C5: variants seen among roughly 807,000 people sequenced by gnomAD.
C5 encodes the protein C3 and PZP-like alpha-2-macroglobulin domain-containing protein 4.
In C5, 140 loss-of-function variants were observed where a neutral mutation model predicts 218.8. That is an observed-to-expected ratio of 0.64 (90% confidence interval 0.56 to 0.74). The LOEUF is 0.74. Ranked by LOEUF, C5 falls within the 30% of genes least tolerant of loss-of-function variation. The pLI, the probability that C5 is intolerant of heterozygous loss-of-function variation, is 0.00. For synonymous variants in C5, 614 were observed against 682.3 expected (o/e 0.90, Z 1.56); for missense variants, 1,700 against 1,969.6 (o/e 0.86, Z 2.59).
intron 22 of C5, among the ~76,000 whole-genome samples, chr9:120,991,982 A>G (rs1019286283): frequency 3.3e-5 from 5 of 152,254 alleles, no homozygotes; most frequent in African/African-American, 1.2e-4. Context: ...GGTCCCAGAA[A>G]CAATACAAGT....
intron 5 of C5, among the ~76,000 whole-genome samples, chr9:121,033,590 A>AAT (rs1289357641): frequency 6.6e-6 from 1 of 152,272 alleles, no homozygotes. Context: ...CACAAGATGA[A>AAT]GTTGGAGAAA....
chr9:120,977,630 G>C (rs2046963168), intron 28 of C5, among the ~76,000 whole-genome samples: 1 of 152,110 alleles, frequency 6.6e-6, no homozygotes, highest in Non-Finnish European at 1.5e-5. Context: ...ATGTTATCCA[G>C]CCTGGTCTCA....
chr9:121,022,829 T>C (rs1216592452), intron 10 of C5, among the ~76,000 whole-genome samples: 1 of 151,390 alleles, frequency 6.6e-6, no homozygotes, highest in Non-Finnish European at 1.5e-5. Context: ...GAGAGAAAAA[T>C]GAATGCAGAG....
chr9:120,952,857 G>A lies in C5; in HGVS notation c.4913C>T (p.Pro1638Leu), dbSNP rs2046755380. 1 of 1,613,758 alleles carries A rather than the reference G, an allele frequency of 6.2e-7. No homozygotes were observed. Among genetic ancestry groups the A allele is most frequent in the East Asian group, 2.2e-5 (1 of 44,876 alleles). ...KYNFSFRYIY[P>L]LDSLTWIEYW... is the part of the protein sequence containing the mutation. The stretch of plus-strand genomic sequence containing the variant: ...TTCAATCCAGGTCAAGGAATCTAAA[G>A]GGTAGATGTACCTACCAAGAAACAA... Residue 1638 changes from proline (P) to leucine (L), a missense_variant, in exon 41 of 41, where the codon CCT becomes CTT. Transcript: ENST00000223642.
the C5 span, among the ~76,000 whole-genome samples, chr9:121,059,787 A>G: frequency 6.6e-6 from 1 of 152,204 alleles, no homozygotes; most frequent in African/African-American, 2.4e-5. This position sits in a 1 kb window ranked among gnomAD's most constrained non-coding sequence, Gnocchi z 4.1. Flanking sequence ...TAGTGAGCAC[A>G]CTCAGGAAGC....
At chr9:121,006,811 A>T (rs1303662099) in intron 19 of C5, 93 bp downstream of exon 19, 3 of 910,910 alleles carry the variant, frequency 3.3e-6, no homozygotes, top group East Asian at 2.5e-5. Context: ...GCTACCATTT[A>T]AGTCCTGGGT....
chr9:121,050,179 T>C lies in C5; in HGVS notation c.65+3A>G, dbSNP rs748689283. ...AAAAATGAAGATAGCTTGTTTTACT[T>C]ACGTTTGCTCCTGTCCCCAGGTTTT... On this transcript the variant is annotated splice_donor_region_variant and intron_variant, in intron 1 of 40. Transcript: ENST00000223642. 3 of 1,608,730 alleles carry C rather than the reference T, an allele frequency of 1.9e-6. No individual in the cohort carries two copies. Among genetic ancestry groups the C allele is most frequent in the Non-Finnish European group, 2.6e-6 (3 of 1,175,110 alleles).
intron 16 of C5, among the ~76,000 whole-genome samples, chr9:121,014,359 C>A (rs562791917): frequency 1.3e-5 from 2 of 152,174 alleles, no homozygotes; most frequent in South Asian, 4.1e-4. Flanking sequence ...TGAAAATATG[C>A]AGAAAAATAT....
intron 10 of C5, among the ~76,000 whole-genome samples, chr9:121,023,036 T>A: frequency 6.6e-6 from 1 of 152,150 alleles, no homozygotes; most frequent in Non-Finnish European, 1.5e-5. Context: ...AGGAATGATA[T>A]CTCCATCTTA....
chr9:121,018,742 A>AAGGAAGGAAAGAAAGAAAGG (rs774937700), intron 12 of C5, among the ~76,000 whole-genome samples: 1 of 99,172 alleles, frequency 1.0e-5, no homozygotes, highest in Non-Finnish European at 2.0e-5. Flanking sequence ...GGAAGGAAGG[A>AAGGAAGGAAAGAAAGAAAGG]AAGGAAGGAA....
chr9:120,995,686 G>A (rs904335299), intron 22 of C5, among the ~76,000 whole-genome samples: 1 of 151,914 alleles, frequency 6.6e-6, no homozygotes, highest in Non-Finnish European at 1.5e-5. Context: ...TATGAGGGAA[G>A]TCATGCAATT....
chr9:121,031,767 T>C (rs1564160230), intron 6 of C5, among the ~76,000 whole-genome samples: 1 of 152,180 alleles, frequency 6.6e-6, no homozygotes, highest in Non-Finnish European at 1.5e-5. Flanking sequence ...TAACTTTTTA[T>C]AGAAAAACTT....
intron 31 of C5, among the ~76,000 whole-genome samples, chr9:120,971,654 G>A (rs544614059): frequency 3.3e-5 from 5 of 152,200 alleles, no homozygotes; most frequent in Non-Finnish European, 4.4e-5. Context: ...AGCCAGGGTG[G>A]TCTTGATCTC....
At chr9:121,013,797 T>C in intron 17 of C5, 76 bp downstream of exon 17, 1 of 1,227,964 alleles carries the variant, frequency 8.1e-7, no homozygotes, top group Non-Finnish European at 1.2e-6. Flanking sequence ...TCATGAAAAC[T>C]GCCTTTCTTA....
At chr9:120,984,082 G>A (rs371018570) in intron 25 of C5, among the ~76,000 whole-genome samples, 3 of 152,212 alleles carry the variant, frequency 2.0e-5, no homozygotes, top group African/African-American at 7.2e-5. Flanking sequence ...TTTTACAAGT[G>A]ATTTTATACA....
intron 25 of C5, 21 bp from the exon 26 acceptor site, chr9:120,982,835 A>C (rs2047005210): frequency 7.1e-7 from 1 of 1,417,382 alleles, no homozygotes; most frequent in Admixed American, 1.7e-5. Flanking sequence ...AAATCAAATA[A>C]ATAAATATTT....
chr9:120,965,565 A>T (rs2046861283), intron 33 of C5, among the ~76,000 whole-genome samples: 1 of 148,836 alleles, frequency 6.7e-6, no homozygotes, highest in Non-Finnish European at 1.5e-5. Flanking sequence ...AATAAATAAA[A>T]GCAGTCCCCA....
chr9:120,956,336 C>A (rs888182063), intron 39 of C5, among the ~76,000 whole-genome samples: 1 of 151,800 alleles, frequency 6.6e-6, no homozygotes. Context: ...CACACACACA[C>A]AAAAATGCCT....
At position 121,030,399 on chromosome 9, in the gene C5, T is replaced by A. The variant is rs1444135588; in HGVS notation, c.756A>T (p.Ala252=). The part of the protein sequence containing the change: ...NFKNFEITIK[A]RYFYNKVVTE... ...AACAAAAAAACAAATGTTCTTACCT[T>A]GCTTTTATAGTAATTTCAAAATTCT... The change falls in exon 7 of 41, where the codon GCA becomes GCT. Residue 252 remains alanine, a splice_region_variant and synonymous_variant. Transcript: ENST00000223642. 1 of 1,425,442 alleles carries A rather than the reference T, an allele frequency of 7.0e-7. No individual in the cohort carries two copies. Among genetic ancestry groups the A allele is most frequent in the African/African-American group, 1.4e-5 (1 of 69,902 alleles). The allele number at this position is 1,425,442 out of a possible 1,614,324, so 88.3% of individuals were successfully genotyped here. A position where few individuals can be genotyped will look rare whatever the true frequency, so the allele number is the denominator to read the frequency against.
Sources: allele counts gnomAD v4.1 joint callset (sites outside exome capture counted in the v4.1 genomes callset), GRCh38; gene constraint gnomAD v4.1.1; non-coding constraint Gnocchi (gnomAD v3.1); transcripts MANE v1.5; gene names NCBI Gene and HGNC (gene_info 2026-07-23, HGNC 2026-07-21).